Variants in FRMD4B observed in about 807,000 individuals in gnomAD.
FRMD4B encodes FERM domain containing 4B.
In FRMD4B, 74 loss-of-function variants were observed where a neutral mutation model predicts 141.5. The ratio of observed to expected loss-of-function variants is 0.52; its 90% confidence interval spans 0.43 to 0.63. The LOEUF is 0.63. Among genes scored for constraint, FRMD4B ranks in the 30% least tolerant of loss-of-function variants. FRMD4B has a pLI of 0.00. For missense variants in FRMD4B, 1,366 were observed against 1,253.4 expected, an observed-to-expected ratio of 1.09 and a Z score of -1.36; for synonymous variants, 506 against 467.9, an observed-to-expected ratio of 1.08 and a Z score of -1.05.
chr3:69,258,792 G>A (rs1339309330), intron 5 of FRMD4B, among the ~76,000 whole-genome samples: 1 of 152,046 alleles, frequency 6.6e-6, no homozygotes, highest in Non-Finnish European at 1.5e-5. Flanking sequence ...AAGTCTGATT[G>A]GACTGGGACC....
chr3:69,250,167 G>A (rs777565217), intron 5 of FRMD4B, 68 bp from the exon 6 acceptor site: 13 of 1,079,954 alleles, frequency 1.2e-5, no homozygotes, highest in African/African-American at 1.1e-4. Context: ...TGGCTCTGAA[G>A]TTGAGGAAGC....
chr3:69,494,244 G>T (rs1291650488), intron 1 of FRMD4B, among the ~76,000 whole-genome samples: 1 of 152,156 alleles, frequency 6.6e-6, no homozygotes, highest in Non-Finnish European at 1.5e-5. Flanking sequence ...TAACCACAGG[G>T]AGGTGGTGTA....
intron 7 of FRMD4B, among the ~76,000 whole-genome samples, chr3:69,239,252 G>A (rs1349202224): frequency 6.6e-6 from 1 of 152,172 alleles, no homozygotes; most frequent in Non-Finnish European, 1.5e-5. Context: ...TACCAAAGAT[G>A]CATCCTGTAG....
chr3:69,501,935 C>T (rs575045747), intron 1 of FRMD4B, among the ~76,000 whole-genome samples: 8 of 152,236 alleles, frequency 5.3e-5, no homozygotes, highest in African/African-American at 1.9e-4. Context: ...TTCACAATTG[C>T]TTCAAAGAGA....
At chr3:69,383,845 C>T (rs1450210052) in intron 1 of FRMD4B, among the ~76,000 whole-genome samples, 3 of 152,174 alleles carry the variant, frequency 2.0e-5, no homozygotes, top group Admixed American at 2.0e-4. Context: ...CAGGCATGAG[C>T]CATGGTGCCC....
At position 69,262,459 on chromosome 3, in the gene FRMD4B, CTTT is replaced by C. The variant is rs71618271; in HGVS notation, c.502-12363_502-12361del. Among the ~76,000 whole-genome samples, 367 of 86,772 alleles carry C rather than the reference CTTT, an allele frequency of 4.2e-3. 1 individual carries two copies. The highest frequency in any genetic ancestry group is 0.017 in the African/African-American group (356 of 21,450). The allele number at this position is 86,772 out of a possible 152,430, so 56.9% of individuals were successfully genotyped here. On this transcript the variant is annotated intron_variant, in intron 5 of 22. Coordinates refer to ENST00000398540, the MANE Select transcript of FRMD4B (RefSeq NM_015123.3). ...CAAATACTGCAAGGTACACAAATGA[CTTT>C]TTTTTTTTTTTTTTTTTTTTTTTGA...
At chr3:69,351,581 C>T (rs1167054752) in intron 1 of FRMD4B, among the ~76,000 whole-genome samples, 2 of 152,204 alleles carry the variant, frequency 1.3e-5, no homozygotes, top group African/African-American at 2.4e-5. Flanking sequence ...CATTTGGATG[C>T]AGCTCCCACT....
chr3:69,383,187 T>C (rs755783244), intron 1 of FRMD4B, among the ~76,000 whole-genome samples: 2 of 152,352 alleles, frequency 1.3e-5, no homozygotes, highest in East Asian at 1.9e-4. Flanking sequence ...CGGTCATACA[T>C]AGGCAAAGAC....
chr3:69,380,766 T>C (rs2106679939), intron 1 of FRMD4B, among the ~76,000 whole-genome samples: 1 of 152,302 alleles, frequency 6.6e-6, no homozygotes, highest in South Asian at 2.1e-4. Flanking sequence ...TTGCCTCCTG[T>C]TGGAGGCAAT....
chr3:69,194,068 C>T (rs12053848), intron 16 of FRMD4B, among the ~76,000 whole-genome samples, 195 bp from the exon 17 acceptor site: 5,409 of 152,288 alleles, frequency 0.036, 243 homozygotes, highest in African/African-American at 0.099. Context: ...TCTCATTAGT[C>T]CAAACCTCTT....
chr3:69,238,463 G>A (rs1022340660), intron 7 of FRMD4B, among the ~76,000 whole-genome samples: 7 of 152,186 alleles, frequency 4.6e-5, no homozygotes, highest in African/African-American at 1.7e-4. Context: ...AGAATGCAAT[G>A]AAGGCACTTG....
rs375366066 is a variant in FRMD4B at position 69,461,434 on chromosome 3, G to A, written c.-128-28673C>T. Among the ~76,000 whole-genome samples the A allele has an allele frequency of 7.3e-4, 111 of 151,550 alleles. 2 individuals carry two copies. The highest frequency in any genetic ancestry group is 2.5e-3 in the African/African-American group (105 of 41,370). On this transcript the variant is annotated intron_variant, in intron 1 of 5. Coordinates refer to the FRMD4B transcript ENST00000459638. ...ATCAATAAATAAAAATAACCAGGCTGGGCAACATAGTGAGACCCCCATCTC... is the reference window on the plus strand; with the variant it reads ...ATCAATAAATAAAAATAACCAGGCTAGGCAACATAGTGAGACCCCCATCTC...
intron 11 of FRMD4B, among the ~76,000 whole-genome samples, chr3:69,208,760 T>C (rs908865659): frequency 1.3e-5 from 2 of 152,158 alleles, no homozygotes; most frequent in African/African-American, 4.8e-5. Context: ...TCACCAACCA[T>C]CCCTCCAAAG....
At chr3:69,491,380 A>C (rs977668634) in intron 1 of FRMD4B, among the ~76,000 whole-genome samples, 3 of 152,202 alleles carry the variant, frequency 2.0e-5, no homozygotes, top group African/African-American at 7.2e-5. Context: ...AAAGGAAAAA[A>C]GAAAGAAAAA....
At chr3:69,251,240 G>C (rs140433415) in intron 5 of FRMD4B, among the ~76,000 whole-genome samples, 1 of 152,112 alleles carries the variant, frequency 6.6e-6, no homozygotes, top group Non-Finnish European at 1.5e-5. Flanking sequence ...GGAATTCCTG[G>C]AAATTGCCCT....
At chr3:69,382,246 G>A (rs1258079316) in intron 1 of FRMD4B, among the ~76,000 whole-genome samples, 1 of 152,186 alleles carries the variant, frequency 6.6e-6, no homozygotes, top group Non-Finnish European at 1.5e-5. Context: ...TGCCATGTTG[G>A]CCAGGCTGGT....
chr3:69,329,885 T>A (rs1482836113), intron 1 of FRMD4B, among the ~76,000 whole-genome samples: 4 of 151,908 alleles, frequency 2.6e-5, no homozygotes. Context: ...ATGACACGAG[T>A]TTACCTGTGT....
At chr3:69,177,693 C>G (rs899069509) in intron 21 of FRMD4B, among the ~76,000 whole-genome samples, 1 of 152,080 alleles carries the variant, frequency 6.6e-6, no homozygotes, top group Non-Finnish European at 1.5e-5. Context: ...TTTAAAATAA[C>G]TGAAAAGACA....
chr3:69,253,181 CTATTT>C (rs1212574524), intron 5 of FRMD4B, among the ~76,000 whole-genome samples: 327 of 121,960 alleles, frequency 2.7e-3, no homozygotes, highest in African/African-American at 9.8e-3. Context: ...AATATGATTC[CTATTT>C]TTTTTTTTTT....
Sources: allele counts gnomAD v4.1 joint callset (sites outside exome capture counted in the v4.1 genomes callset), GRCh38; gene constraint gnomAD v4.1.1; transcripts MANE v1.5; gene names NCBI Gene and HGNC (gene_info 2026-07-23, HGNC 2026-07-21).